Variants in CUL2 observed in about 807,000 individuals in gnomAD.
The protein encoded by CUL2 is cullin-2.
A neutral mutation model predicts 110.2 loss-of-function variants in CUL2; 22 were observed. That is an observed-to-expected ratio of 0.20 (90% CI 0.14 to 0.28). The LOEUF is 0.28. Ranked by LOEUF, CUL2 falls within the 10% of genes least tolerant of loss-of-function variation. CUL2 has a pLI of 1.00. For missense variants in CUL2, 631 were observed against 905.5 expected (o/e 0.70, Z 3.89); for synonymous variants, 279 against 293.2 (o/e 0.95, Z 0.49).
intron 16 of CUL2, 103 bp from the exon 17 acceptor site, chr10:35,025,301 G>A: frequency 7.2e-7 from 1 of 1,380,650 alleles, no homozygotes; most frequent in Non-Finnish European, 9.4e-7. Context: ...CATATTAGAA[G>A]AGACATTAAA....
At chr10:35,048,855 C>T (rs2086018928) in intron 6 of CUL2, among the ~76,000 whole-genome samples, 1 of 152,122 alleles carries the variant, frequency 6.6e-6, no homozygotes, top group African/African-American at 2.4e-5. Context: ...TGTGTTTAAT[C>T]CCTTACTTCC....
intron 9 of CUL2, among the ~76,000 whole-genome samples, chr10:35,038,525 CAAAA>C (rs61022194): frequency 2.8e-3 from 184 of 65,472 alleles, no homozygotes; most frequent in African/African-American, 0.011. Context: ...GACTCTGTCT[CAAAA>C]AAAAAAAAAA....
chr10:35,103,308 A>ATTTTTTTTTTTTTTTTTTTTT (rs67257350), intron 1 of CUL2, among the ~76,000 whole-genome samples: 2 of 94,546 alleles, frequency 2.1e-5, no homozygotes, highest in Non-Finnish European at 4.1e-5. Flanking sequence ...GGCCAAGCTA[A>ATTTTTTTTTTTTTTTTTTTTT]TTTTTTTTTT....
At chr10:35,021,442 T>TACAC (rs113171877) in intron 17 of CUL2, among the ~76,000 whole-genome samples, 2 of 149,644 alleles carry the variant, frequency 1.3e-5, no homozygotes, top group Admixed American at 6.6e-5. Flanking sequence ...TGTATATATA[T>TACAC]ACACACACAC....
chr10:35,031,588 T>C lies in CUL2; in HGVS notation c.1202A>G (p.Lys401Arg). Residue 401 changes from lysine to arginine, a missense_variant, in exon 13 of 21, where the codon AAG (lysine) becomes AGG (arginine). Around this residue, in one of 3 missense-constraint regions of CUL2, gnomAD observed 134 missense variants for 260.4 expected, o/e 0.51. Transcript: ENST00000374749. The surrounding 1 kb of genome is among the most constrained non-coding windows in gnomAD (Gnocchi z 4.4). ...LAKYCDNLLK[K>R]SAKGMTENEV... is the part of the protein sequence containing the mutation. The stretch of plus-strand genomic sequence containing the variant: ...ATTCTCTGTCATCCCTTTCGCTGAC[T>C]TCTTCAGTAAGTTGTCACAGTACTT... 3.1e-6 allele frequency: 5 copies of C among 1,614,116 alleles called. No homozygotes were observed. Among genetic ancestry groups the C allele is most frequent in the Non-Finnish European group, 4.2e-6 (5 of 1,179,960 alleles).
intron 11 of CUL2, 91 bp from the exon 12 acceptor site, chr10:35,032,585 T>C: frequency 1.1e-6 from 1 of 920,680 alleles, no homozygotes; most frequent in East Asian, 2.8e-5. Flanking sequence ...CATCCAAAAA[T>C]TACCCCGCCA....
At chr10:35,084,789 A>G (rs1337781530) in intron 1 of CUL2, among the ~76,000 whole-genome samples, 1 of 152,116 alleles carries the variant, frequency 6.6e-6, no homozygotes, top group African/African-American at 2.4e-5. Context: ...TAATATTAAG[A>G]TTCTAGGGCT....
At chr10:35,074,644 G>A (rs1337085918) in intron 1 of CUL2, among the ~76,000 whole-genome samples, 1 of 151,992 alleles carries the variant, frequency 6.6e-6, no homozygotes, top group Non-Finnish European at 1.5e-5. Flanking sequence ...GTGAGCCATC[G>A]CACCCTAATT....
chr10:35,048,086 G>C (rs1245308905), intron 6 of CUL2, among the ~76,000 whole-genome samples: 1 of 152,108 alleles, frequency 6.6e-6, no homozygotes, highest in Non-Finnish European at 1.5e-5. Context: ...AATAGTATTA[G>C]CCTTCCAGTG....
In CUL2 at chr10:35,017,437, T is replaced by C. The variant is rs145595932; in HGVS notation, c.1685-1043A>G. Among the ~76,000 whole-genome samples the C allele has an allele frequency of 3.1e-3, 477 of 152,302 alleles. 2 individuals carry two copies. The highest frequency in any genetic ancestry group is 3.1e-3 in the Non-Finnish European group (210 of 68,030). ...TGCTGGGCACGGTAGCTTATGCCTG[T>C]AATCCCAGCACTTTGAAAGGCCGAG... On this transcript the variant is annotated intron_variant, in intron 17 of 20. Coordinates refer to ENST00000374749, the MANE Select transcript of CUL2 (RefSeq NM_003591.4).
At chr10:35,083,419 A>G (rs1346425304) in intron 1 of CUL2, among the ~76,000 whole-genome samples, 1 of 152,208 alleles carries the variant, frequency 6.6e-6, no homozygotes, top group African/African-American at 2.4e-5. Flanking sequence ...AGAAGGGCCT[A>G]GGAGGAATGA....
intron 1 of CUL2, among the ~76,000 whole-genome samples, chr10:35,116,851 G>A (rs989082064): frequency 4.6e-5 from 7 of 151,998 alleles, no homozygotes; most frequent in Non-Finnish European, 8.8e-5. Flanking sequence ...CAGCTACCCG[G>A]GAGGCTGAGG....
At chr10:35,099,262 G>T (rs191522479) in intron 2 of CUL2, among the ~76,000 whole-genome samples, 1 of 151,922 alleles carries the variant, frequency 6.6e-6, no homozygotes, top group African/African-American at 2.4e-5. Flanking sequence ...ATGGTGTTAC[G>T]CGCCTGTAGT....
upstream of CUL2, among the ~76,000 whole-genome samples, chr10:35,095,513 C>A (rs899033458): frequency 6.6e-6 from 1 of 151,998 alleles, no homozygotes; most frequent in African/African-American, 2.4e-5. Context: ...ATTTGTACTT[C>A]TCTGATTTTG....
At chr10:35,011,269 T>A (rs1386789786) in intron 20 of CUL2, among the ~76,000 whole-genome samples, 1 of 149,748 alleles carries the variant, frequency 6.7e-6, no homozygotes, top group Non-Finnish European at 1.5e-5. Context: ...CCCAGGCTGG[T>A]CTGAAACTCC....
intron 18 of CUL2, among the ~76,000 whole-genome samples, chr10:35,015,230 T>C (rs1272725132): frequency 2.0e-5 from 3 of 151,394 alleles, no homozygotes; most frequent in East Asian, 1.9e-4. Context: ...GAGGTGGAGG[T>C]TGCAGTGAGC....
intron 2 of CUL2, among the ~76,000 whole-genome samples, chr10:35,068,053 T>C (rs2086579581): frequency 7.0e-6 from 1 of 142,820 alleles, no homozygotes; most frequent in Admixed American, 7.4e-5. Context: ...GAGCTTGCAG[T>C]GAGCCGAGAT....
At chr10:35,122,472 C>G (rs2135150613) in intron 1 of CUL2, among the ~76,000 whole-genome samples, 1 of 152,272 alleles carries the variant, frequency 6.6e-6, no homozygotes, top group East Asian at 1.9e-4. Context: ...AGATTTCACA[C>G]AAGTCAACAA....
At chr10:35,113,007 C>T in intron 1 of CUL2, among the ~76,000 whole-genome samples, 1 of 151,512 alleles carries the variant, frequency 6.6e-6, no homozygotes, top group African/African-American at 2.4e-5. Context: ...TCCTGGCCAA[C>T]ATGATGAAAC....
Sources: allele counts gnomAD v4.1 joint callset (sites outside exome capture counted in the v4.1 genomes callset), GRCh38; gene constraint gnomAD v4.1.1; regional missense constraint gnomAD v4.1.1; non-coding constraint Gnocchi (gnomAD v3.1); transcripts MANE v1.5; gene names NCBI Gene and HGNC (gene_info 2026-07-23, HGNC 2026-07-21).